ALLC: variants seen among roughly 807,000 people sequenced by gnomAD.
ALLC encodes allantoicase, also known as probable inactive allantoicase.
ALLC carries 40 observed loss-of-function variants against 45.0 expected under a neutral mutation model. That is an observed-to-expected ratio of 0.89 (90% CI 0.69 to 1.16). The LOEUF (loss-of-function observed/expected upper bound fraction) is 1.16. ALLC is among the 50% of genes most tolerant of loss of function. ALLC has a pLI of 0.00. For synonymous variants in ALLC, 176 were observed against 178.1 expected (o/e 0.99, Z 0.09); for missense variants, 488 against 493.1 (o/e 0.99, Z 0.10).
intron 1 of ALLC, among the ~76,000 whole-genome samples, chr2:3,667,481 G>A (rs13385033): frequency 0.36 from 55,070 of 152,104 alleles, 10,115 homozygotes; most frequent in African/African-American, 0.4. Context: ...TATCAGTCAC[G>A]TTTGGATACA....
intron 7 of ALLC, among the ~76,000 whole-genome samples, chr2:3,685,973 C>T (rs2148011403): frequency 1.3e-5 from 2 of 150,808 alleles, no homozygotes; most frequent in East Asian, 4.0e-4. Flanking sequence ...TGACAGCAGC[C>T]TTTTAGCTTG....
chr2:3,700,056 A>G lies in ALLC; in HGVS notation c.851-1456A>G, dbSNP rs375917878. Among the ~76,000 whole-genome samples, 5 of 152,182 alleles carry G rather than the reference A, an allele frequency of 3.3e-5. No homozygotes were observed. In the East Asian group the frequency reaches 9.6e-4, roughly 29 times the overall value. On this transcript the variant is annotated intron_variant, in intron 10 of 11. Transcript: ENST00000252505. Reference sequence around the variant, plus strand: ...TGTTGCAATTGTTTTTGGCATTTTCATCATGAAATCTTTGCCAGTTCCTAT... The same window carrying G: ...TGTTGCAATTGTTTTTGGCATTTTCGTCATGAAATCTTTGCCAGTTCCTAT...
chr2:3,648,338 C>T, the ALLC span, among the ~76,000 whole-genome samples: 7 of 152,200 alleles, frequency 4.6e-5, no homozygotes, highest in African/African-American at 9.7e-5. Flanking sequence ...TTCACATGCT[C>T]GAGGCTGCTC....
intron 4 of ALLC, 36 bp downstream of exon 4, chr2:3,678,591 A>T: frequency 6.4e-7 from 1 of 1,572,504 alleles, no homozygotes; most frequent in Non-Finnish European, 8.7e-7. Context: ...AGTGCAGCTG[A>T]CACTGCAAAG....
intron 6 of ALLC, 126 bp from the exon 7 acceptor site, chr2:3,682,816 T>G: frequency 4.0e-6 from 4 of 1,008,606 alleles, no homozygotes; most frequent in East Asian, 5.2e-5. Context: ...TGAGCCACCG[T>G]GCCCGGCATC....
At chr2:3,660,260 C>T (rs546166283) in intron 1 of ALLC, among the ~76,000 whole-genome samples, 1 of 152,320 alleles carries the variant, frequency 6.6e-6, no homozygotes, top group African/African-American at 2.4e-5. Flanking sequence ...ACGCCGGCTC[C>T]CTTCACTTCC....
chr2:3,675,690 T>G (rs1232785401), intron 3 of ALLC, among the ~76,000 whole-genome samples: 1 of 152,200 alleles, frequency 6.6e-6, no homozygotes, highest in Non-Finnish European at 1.5e-5. Flanking sequence ...TTTCTCCTTT[T>G]TGAAAAAAAT....
chr2:3,677,141 G>A (rs957729306), intron 3 of ALLC, among the ~76,000 whole-genome samples: 3 of 152,102 alleles, frequency 2.0e-5, no homozygotes, highest in Non-Finnish European at 4.4e-5. Context: ...CACATGGCAT[G>A]AGCCAGTTTT....
rs1372706654 is a variant in ALLC, at chr2:3,680,855, G to A, written c.299-779G>A. Among the ~76,000 whole-genome samples, 2 of 152,168 alleles carry A rather than the reference G, an allele frequency of 1.3e-5. No homozygotes were observed. The highest frequency in any genetic ancestry group is 2.9e-5 in the Non-Finnish European group (2 of 68,032). ...CAGTAAATCAAGTTGGAAGCAGGAC[G>A]TGTTCACAGGATTGAGGCTAATCAG... is the stretch of plus-strand genomic sequence containing the variant. On this transcript the variant is annotated intron_variant, in intron 5 of 11. Coordinates refer to ENST00000252505, the MANE Select transcript of ALLC (RefSeq NM_018436.4). The surrounding 1 kb of genome is among the most constrained non-coding windows in gnomAD (Gnocchi z 4.0).
intron 1 of ALLC, among the ~76,000 whole-genome samples, chr2:3,668,465 CAT>C (rs983386241): frequency 4.6e-5 from 7 of 151,068 alleles, no homozygotes; most frequent in East Asian, 3.9e-4. Flanking sequence ...GGCAGGGACA[CAT>C]GTGTTGGGGA....
chr2:3,647,628 C>T, the ALLC span, among the ~76,000 whole-genome samples: 1 of 151,794 alleles, frequency 6.6e-6, no homozygotes, highest in African/African-American at 2.4e-5. Flanking sequence ...GGGGGTCGCT[C>T]ACCCGTCCTC....
chr2:3,651,477 CAA>C, the ALLC span, among the ~76,000 whole-genome samples: 1 of 141,196 alleles, frequency 7.1e-6, no homozygotes, highest in Non-Finnish European at 1.5e-5. Flanking sequence ...GTAGAAAGGA[CAA>C]AGAGCAGGCG....
chr2:3,672,236 T>C (rs1342558410), intron 2 of ALLC, among the ~76,000 whole-genome samples: 1 of 119,256 alleles, frequency 8.4e-6, no homozygotes. Flanking sequence ...TAGGAGGTCC[T>C]CTGGCTCTGG....
intron 1 of ALLC, 82 bp from the exon 2 acceptor site, chr2:3,671,014 A>T: frequency 1.3e-6 from 1 of 773,746 alleles, no homozygotes; most frequent in Non-Finnish European, 2.1e-6. Flanking sequence ...GAAAGTCTCA[A>T]ATCTTAGCGT....
intron 1 of ALLC, among the ~76,000 whole-genome samples, chr2:3,667,875 C>T (rs551525236): frequency 1.7e-4 from 26 of 152,352 alleles, no homozygotes; most frequent in Admixed American, 1.5e-3. Flanking sequence ...AGTGATTCTC[C>T]TGCCTCAGCC....
At chr2:3,671,661 T>A (rs1333682697) in intron 2 of ALLC, among the ~76,000 whole-genome samples, 1 of 150,752 alleles carries the variant, frequency 6.6e-6, no homozygotes, top group African/African-American at 2.4e-5. Flanking sequence ...AGATCCGAGG[T>A]CCTCTGGCTC....
rs560020471 is a variant in ALLC at position 3,690,979 on chromosome 2, C to T, written c.512-4738C>T. On this transcript the variant is annotated intron_variant, in intron 7 of 11. Transcript: ENST00000252505. ...GTTTTTTTTTTTTCAAATGGAAGAA[C>T]TTTAGCATTTCATTTAAGACTGGTG... Among the ~76,000 whole-genome samples, 4 of 149,636 alleles carry T rather than the reference C, an allele frequency of 2.7e-5. No individual in the cohort carries two copies. The East Asian group carries it at 7.9e-4, about 29-fold the overall frequency.
intron 1 of ALLC, among the ~76,000 whole-genome samples, chr2:3,665,311 TTTTTAAATTTTA>T (rs552676337): frequency 0.013 from 2,026 of 152,338 alleles, 16 homozygotes; most frequent in South Asian, 0.021. Context: ...GAAGTGTTTT[TTTTTAAATTTTA>T]TTTTAAGTTC....
Position 3,697,334 on chromosome 2 carries a change from C to G in ALLC, c.742-14C>G. Reference sequence around the variant, plus strand: ...CCAAGTTCGTTTACCATTTTCTTCTCTTCTGAATTCCAGAATGATGAGAAT... The same window carrying G: ...CCAAGTTCGTTTACCATTTTCTTCTGTTCTGAATTCCAGAATGATGAGAAT... On this transcript the variant is annotated splice_polypyrimidine_tract_variant and intron_variant, in intron 9 of 11. Transcript: ENST00000252505. The G allele has an allele frequency of 6.2e-7, 1 of 1,610,036 alleles. No homozygotes were observed. Among genetic ancestry groups the G allele is most frequent in the Non-Finnish European group, 8.5e-7 (1 of 1,176,602 alleles).
Sources: gnomAD v4.1 joint callset for allele counts (sites outside exome capture counted in the v4.1 genomes callset) on GRCh38, gnomAD v4.1.1 for gene constraint, Gnocchi (gnomAD v3.1) non-coding constraint, MANE v1.5 for transcripts, NCBI Gene and HGNC (gene_info 2026-07-23, HGNC 2026-07-21) for gene names.